Variants in CCSER1 observed in about 807,000 individuals in gnomAD.
CCSER1 encodes the protein serine-rich coiled-coil domain-containing protein 1.
In CCSER1, 41 loss-of-function variants were observed where a neutral mutation model predicts 82.0. The observed-to-expected ratio is 0.50, with a 90% CI of 0.39 to 0.65. The LOEUF (loss-of-function observed/expected upper bound fraction) is 0.65. Among genes scored for constraint, CCSER1 ranks in the 30% least tolerant of loss-of-function variants. The probability of loss-of-function intolerance (pLI) is 0.00; values close to 1 mark genes in which losing one functional copy is unlikely to be tolerated. For missense variants in CCSER1, 1,119 were observed against 1,064.2 expected, an observed-to-expected ratio of 1.05 and a Z score of -0.72; for synonymous variants, 414 against 383.9, an observed-to-expected ratio of 1.08 and a Z score of -0.92.
At chr4:90,600,363 G>C (rs141101540) in intron 5 of CCSER1, among the ~76,000 whole-genome samples, 54 of 152,110 alleles carry the variant, frequency 3.6e-4, no homozygotes, top group East Asian at 3.9e-4. Flanking sequence ...AGACTTTTTA[G>C]TTTTAGCCTT....
intron 10 of CCSER1, among the ~76,000 whole-genome samples, chr4:91,333,081 A>T (rs1478167084): frequency 6.6e-6 from 1 of 152,030 alleles, no homozygotes; most frequent in African/African-American, 2.4e-5. Flanking sequence ...CATTCTTGTC[A>T]CAAAGGCAAT....
At chr4:91,540,973 A>G (rs1761561667) in intron 10 of CCSER1, among the ~76,000 whole-genome samples, 1 of 152,136 alleles carries the variant, frequency 6.6e-6, no homozygotes, top group African/African-American at 2.4e-5. Flanking sequence ...GAAGTTGAAT[A>G]ATGTCAGTCT....
chr4:91,492,169 A>G (rs1490098741), intron 10 of CCSER1, among the ~76,000 whole-genome samples: 1 of 151,936 alleles, frequency 6.6e-6, no homozygotes, highest in Non-Finnish European at 1.5e-5. Context: ...CTTTTATTTT[A>G]GGACTACATT....
At chr4:91,371,635 C>T (rs1750058826) in intron 10 of CCSER1, among the ~76,000 whole-genome samples, 1 of 151,054 alleles carries the variant, frequency 6.6e-6, no homozygotes, top group African/African-American at 2.5e-5. Flanking sequence ...CTTCAATAAA[C>T]TTCAGAGTGC....
chr4:91,509,319 C>T (rs2203637), intron 10 of CCSER1, among the ~76,000 whole-genome samples: 43 of 152,002 alleles, frequency 2.8e-4, no homozygotes, highest in African/African-American at 4.8e-4. Context: ...CAAACTGCCT[C>T]GCATATAATC....
intron 5 of CCSER1, among the ~76,000 whole-genome samples, chr4:90,580,168 C>A (rs1022979898): frequency 1.1e-4 from 17 of 152,018 alleles, no homozygotes; most frequent in African/African-American, 3.9e-4. Flanking sequence ...TATAAATATA[C>A]ACACATATAT....
intron 7 of CCSER1, among the ~76,000 whole-genome samples, chr4:90,783,941 G>A (rs184210414): frequency 1.6e-4 from 24 of 151,896 alleles, no homozygotes; most frequent in Admixed American, 7.9e-4. Flanking sequence ...TTATAGCTGA[G>A]AGAGCTGGAA....
At chr4:90,825,356 T>C (rs1760273764) in intron 8 of CCSER1, among the ~76,000 whole-genome samples, 1 of 152,230 alleles carries the variant, frequency 6.6e-6, no homozygotes, top group African/African-American at 2.4e-5. Context: ...TCATACAATT[T>C]ACAAACTATC....
intron 10 of CCSER1, among the ~76,000 whole-genome samples, chr4:91,123,904 A>T (rs2148895820): frequency 6.6e-6 from 1 of 151,862 alleles, no homozygotes; most frequent in South Asian, 2.1e-4. Context: ...TAAACCTAGT[A>T]CTAGTCTGCT....
intron 1 of CCSER1, among the ~76,000 whole-genome samples, chr4:90,285,944 G>A (rs1729812467): frequency 6.6e-6 from 1 of 151,892 alleles, no homozygotes; most frequent in African/African-American, 2.4e-5. Flanking sequence ...CCTTTATTGA[G>A]TTGAGTATAT....
chr4:90,297,390 T>G (rs1449616116), intron 1 of CCSER1, among the ~76,000 whole-genome samples: 3 of 151,920 alleles, frequency 2.0e-5, no homozygotes, highest in Non-Finnish European at 4.4e-5. Context: ...AAGGAGATTT[T>G]GGGCTGAGAC....
intron 10 of CCSER1, among the ~76,000 whole-genome samples, chr4:91,567,040 T>C (rs1454379716): frequency 6.6e-6 from 1 of 151,884 alleles, no homozygotes; most frequent in African/African-American, 2.4e-5. Flanking sequence ...GCTATGAATT[T>C]CCCTGCCTTA....
chr4:90,484,022 G>A (rs1348720746), intron 5 of CCSER1, among the ~76,000 whole-genome samples: 1 of 152,176 alleles, frequency 6.6e-6, no homozygotes, highest in African/African-American at 2.4e-5. Context: ...ATTAGACGTA[G>A]ATTTGGTCTT....
At chr4:90,705,826 C>A (rs900578822) in intron 6 of CCSER1, among the ~76,000 whole-genome samples, 1 of 152,188 alleles carries the variant, frequency 6.6e-6, no homozygotes, top group Non-Finnish European at 1.5e-5. Flanking sequence ...ATTGGAAAAT[C>A]ACAGTATTAG....
At chr4:90,405,963 A>G (rs1753652287) in intron 4 of CCSER1, among the ~76,000 whole-genome samples, 1 of 152,048 alleles carries the variant, frequency 6.6e-6, no homozygotes, top group Non-Finnish European at 1.5e-5. Flanking sequence ...GAAAAAAAAA[A>G]GTATGCAGGC....
At chr4:90,667,336 G>A (rs1312768696) in intron 6 of CCSER1, among the ~76,000 whole-genome samples, 2 of 152,062 alleles carry the variant, frequency 1.3e-5, no homozygotes, top group Non-Finnish European at 2.9e-5. Context: ...TCATTGTTAA[G>A]TGTTAGCTAC....
At chr4:91,355,071 A>C (rs771133075) in intron 10 of CCSER1, among the ~76,000 whole-genome samples, 4 of 152,158 alleles carry the variant, frequency 2.6e-5, no homozygotes, top group Non-Finnish European at 5.9e-5. Flanking sequence ...GCTCCCACTC[A>C]TGCAGGAGGG....
intron 10 of CCSER1, among the ~76,000 whole-genome samples, chr4:91,238,364 CA>C (rs200321253): frequency 6.7e-6 from 1 of 149,038 alleles, no homozygotes; most frequent in African/African-American, 2.5e-5. Flanking sequence ...CATGTCGCTG[CA>C]AAAAAAAATG....
intron 3 of CCSER1, among the ~76,000 whole-genome samples, chr4:90,340,963 C>T (rs946963845): frequency 1.3e-5 from 2 of 152,014 alleles, no homozygotes; most frequent in African/African-American, 4.8e-5. Flanking sequence ...AATTTATAAT[C>T]TATGCTTAAT....
Sources: allele counts gnomAD v4.1 joint callset (sites outside exome capture counted in the v4.1 genomes callset), GRCh38; gene constraint gnomAD v4.1.1; transcripts MANE v1.5; gene names NCBI Gene and HGNC (gene_info 2026-07-23, HGNC 2026-07-21).